The following MYT1 variants were observed in gnomAD, a reference collection of about 807,000 sequenced individuals.
MYT1 encodes myelin transcription factor I.
Under a neutral mutation model 123.0 loss-of-function variants are expected in MYT1, and 23 were observed. The observed-to-expected ratio is 0.19, with a 90% confidence interval of 0.13 to 0.26. MYT1 has a LOEUF of 0.26. MYT1 is among the 10% of genes least tolerant of loss of function. The pLI, the probability that MYT1 is intolerant of heterozygous loss-of-function variation, is 1.00. For missense variants in MYT1, 1,125 were observed against 1,472.5 expected, an observed-to-expected ratio of 0.76 and a Z score of 3.86; for synonymous variants, 518 against 575.3, an observed-to-expected ratio of 0.90 and a Z score of 1.43.
rs1408155052 is a variant in MYT1, at chr20:64,192,946, A to G, written c.-1+2786A>G. On this transcript the variant is annotated intron_variant, in intron 2 of 22. Coordinates refer to ENST00000328439, the MANE Select transcript of MYT1 (RefSeq NM_004535.3). This position sits in a 1 kb window ranked among gnomAD's most constrained non-coding sequence, Gnocchi z 5.3. ...GCAGATATGGCTGCTTCATCAGGGTATCCATTATGTAGCTCTAATTTTTGA... is the reference window on the plus strand; with the variant it reads ...GCAGATATGGCTGCTTCATCAGGGTGTCCATTATGTAGCTCTAATTTTTGA... 1.3e-5 allele frequency among the ~76,000 whole-genome samples: 2 copies of G among 152,204 alleles called. No homozygotes were observed. The highest frequency in any genetic ancestry group is 2.9e-5 in the Non-Finnish European group (2 of 68,048).
At chr20:64,170,884 T>TATATATATAGAG (rs1569303821) in intron 1 of MYT1, among the ~76,000 whole-genome samples, 4 of 20,006 alleles carry the variant, frequency 2.0e-4, no homozygotes, top group Non-Finnish European at 3.2e-4. Context: ...TATATATATA[T>TATATATATAGAG]AGAGAGAGAG....
At position 64,234,220 on chromosome 20, in the gene MYT1, T is replaced by A. The variant is rs867041348; in HGVS notation, c.2897+1835T>A. On this transcript the variant is annotated intron_variant, in intron 19 of 22. Coordinates refer to ENST00000328439, the MANE Select transcript of MYT1 (RefSeq NM_004535.3). The stretch of plus-strand genomic sequence containing the variant: ...TGTAATGCATTTTTCTGCTTGAGTG[T>A]CTATATCCGAGGAGTGATCTGTGAC... 3.9e-5 allele frequency among the ~76,000 whole-genome samples: 6 copies of A among 152,294 alleles called. No individual in the cohort carries two copies. The South Asian group carries it at 6.2e-4, about 16-fold the overall frequency.
intron 1 of MYT1, among the ~76,000 whole-genome samples, chr20:64,179,399 G>C (rs932234429): frequency 2.6e-5 from 4 of 152,210 alleles, no homozygotes; most frequent in African/African-American, 9.6e-5. Context: ...GATTAGATGG[G>C]GCATCCCAGC....
At chr20:64,216,777 C>A (rs1382219013) in intron 10 of MYT1, among the ~76,000 whole-genome samples, 1 of 152,236 alleles carries the variant, frequency 6.6e-6, no homozygotes, top group African/African-American at 2.4e-5. Flanking sequence ...ATCTTAGGCC[C>A]TCCTCTATCT....
intron 13 of MYT1, among the ~76,000 whole-genome samples, chr20:64,221,563 T>C (rs1984002189): frequency 6.6e-6 from 1 of 152,224 alleles, no homozygotes; most frequent in Admixed American, 6.5e-5. Flanking sequence ...AAGGGAACTG[T>C]ATCCTGATGT....
At chr20:64,235,501 C>CCGCGG (rs1984489823) in intron 19 of MYT1, among the ~76,000 whole-genome samples, 4 of 125,494 alleles carry the variant, frequency 3.2e-5, no homozygotes, top group Non-Finnish European at 3.3e-5. Flanking sequence ...CCTGGGCTGG[C>CCGCGG]TGAGTGACCC....
intron 1 of MYT1, among the ~76,000 whole-genome samples, chr20:64,170,655 ATT>A (rs545434061): frequency 6.7e-6 from 1 of 149,108 alleles, no homozygotes; most frequent in South Asian, 2.1e-4. Flanking sequence ...TCTTACAGTC[ATT>A]TTTTTTTAAG....
chr20:64,233,667 A>C (rs1226650008), intron 19 of MYT1, among the ~76,000 whole-genome samples: 2 of 151,360 alleles, frequency 1.3e-5, no homozygotes, highest in Non-Finnish European at 1.5e-5. Flanking sequence ...CCTGTAAACA[A>C]ATAAATACGT....
rs1983860720 is a variant in MYT1 at position 64,217,142 on chromosome 20, C to T, written c.1707C>T (p.Pro569=). The change falls in exon 11 of 23, where the codon CCC becomes CCT. Residue 569 remains proline (P), a synonymous_variant. Transcript: ENST00000328439. ...GGCCCAACGTGGCCCCCGCCACACC[C>T]AGGGCCAACTTGGCCAAGGAGCTGG... ...SYRPNVAPAT[P]RANLAKELEK... 5.0e-6 allele frequency: 8 copies of T among 1,614,242 alleles called. No individual in the cohort carries two copies. Among genetic ancestry groups the T allele is most frequent in the Non-Finnish European group, 5.9e-6 (7 of 1,180,052 alleles).
At chr20:64,237,440 A>C in intron 21 of MYT1, 50 bp downstream of exon 21, 1 of 1,409,810 alleles carries the variant, frequency 7.1e-7, no homozygotes, top group Non-Finnish European at 9.8e-7. Flanking sequence ...CCCAACCCAA[A>C]CATTCGTCTT....
chr20:64,215,635 G>A (rs1298683684), intron 10 of MYT1, among the ~76,000 whole-genome samples: 1 of 151,876 alleles, frequency 6.6e-6, no homozygotes. Flanking sequence ...TCAGGCTGGA[G>A]TGCAGTGGTT....
intron 4 of MYT1, among the ~76,000 whole-genome samples, chr20:64,201,928 C>T (rs1358359346): frequency 1.4e-5 from 2 of 141,818 alleles, no homozygotes; most frequent in Non-Finnish European, 3.2e-5. Flanking sequence ...GTGTCGGGAA[C>T]CCCCGCGTGT....
chr20:64,232,936 C>T lies in MYT1; in HGVS notation c.2897+551C>T, dbSNP rs567559927. Among the ~76,000 whole-genome samples, 134 of 152,044 alleles carry T rather than the reference C, an allele frequency of 8.8e-4. No homozygotes were observed. Among genetic ancestry groups the T allele is most frequent in the Middle Eastern group, 3.4e-3 (1 of 294 alleles). ...GGCCTGGGCAGCATTCACCAACTCT[C>T]GCCTGCCCTCCAACACCTGCTCCAG... On this transcript the variant is annotated intron_variant, in intron 19 of 22. Transcript: ENST00000328439. The surrounding 1 kb of genome is among the most constrained non-coding windows in gnomAD (Gnocchi z 6.9).
rs1983860786 is a variant in MYT1 at position 64,217,143 on chromosome 20, A to G, written c.1708A>G (p.Arg570Gly). 3 of 1,614,236 alleles carry G rather than the reference A, an allele frequency of 1.9e-6. No individual in the cohort carries two copies. Among genetic ancestry groups the G allele is most frequent in the Non-Finnish European group, 2.5e-6 (3 of 1,180,038 alleles). Residue 570 changes from arginine to glycine, a missense_variant, in exon 11 of 23, where the codon AGG (arginine) becomes GGG (glycine). Physicochemically the swap from Arg to Gly is moderately radical, Grantham distance 125 (BLOSUM62 -2). Around this residue, in one of 4 missense-constraint regions of MYT1, gnomAD observed 429 missense variants for 604.1 expected, o/e 0.71. Coordinates refer to ENST00000328439, the MANE Select transcript of MYT1 (RefSeq NM_004535.3). ...GCCCAACGTGGCCCCCGCCACACCC[A>G]GGGCCAACTTGGCCAAGGAGCTGGA... ...YRPNVAPATP[R>G]ANLAKELEKF...
At chr20:64,216,861 G>T (rs147421417) in intron 10 of MYT1, among the ~76,000 whole-genome samples, 1 of 152,164 alleles carries the variant, frequency 6.6e-6, no homozygotes, top group African/African-American at 2.4e-5. Context: ...ATTCTTCACC[G>T]GCCTGCTCTG....
intron 4 of MYT1, among the ~76,000 whole-genome samples, chr20:64,201,175 C>T (rs1568707705): frequency 1.3e-5 from 2 of 152,194 alleles, no homozygotes; most frequent in South Asian, 2.1e-4. Context: ...TGGAGGAAGT[C>T]GAAAAGGCAA....
At position 64,242,247 on chromosome 20, in the gene MYT1, C is replaced by G. The variant is rs1984738100; in HGVS notation, c.*1799C>G. 1 of 152,602 alleles carries G rather than the reference C, an allele frequency of 6.6e-6. No homozygotes were observed. The highest frequency in any genetic ancestry group is 6.5e-5 in the Admixed American group (1 of 15,284). The allele number at this position is 152,602 out of a possible 1,614,324, so 9.5% of individuals were successfully genotyped here. A position where few individuals can be genotyped will look rare whatever the true frequency, so the allele number is the denominator to read the frequency against. Reference sequence around the variant, plus strand: ...ATTTCCTAATAAAAGTCCACTCTGACTGTGAATCGGTGCTGTGGTCTGTGG... The same window carrying G: ...ATTTCCTAATAAAAGTCCACTCTGAGTGTGAATCGGTGCTGTGGTCTGTGG... On this transcript the variant is annotated 3_prime_UTR_variant, in exon 23 of 23. Transcript: ENST00000328439.
At chr20:64,188,549 C>T (rs2145701932) in intron 1 of MYT1, among the ~76,000 whole-genome samples, 1 of 152,300 alleles carries the variant, frequency 6.6e-6, no homozygotes, top group East Asian at 1.9e-4. Context: ...ACCCCACGCC[C>T]CATCTTCAAA....
At chr20:64,214,099 C>T (rs953830911) in intron 10 of MYT1, among the ~76,000 whole-genome samples, 1 of 152,244 alleles carries the variant, frequency 6.6e-6, no homozygotes, top group Non-Finnish European at 1.5e-5. Context: ...GCCTGTCCCT[C>T]CCCGACCCCA....
Sources: gnomAD v4.1 joint callset for allele counts (sites outside exome capture counted in the v4.1 genomes callset) on GRCh38, gnomAD v4.1.1 for gene constraint, gnomAD v4.1.1 regional missense constraint, Gnocchi (gnomAD v3.1) non-coding constraint, MANE v1.5 for transcripts, NCBI Gene and HGNC (gene_info 2026-07-23, HGNC 2026-07-21) for gene names.